Variants in GTSE1 observed in about 807,000 individuals in gnomAD.
GTSE1 encodes the protein G2 and S phase-expressed protein 1.
A neutral mutation model predicts 60.5 loss-of-function variants in GTSE1; 52 were observed. That is an observed-to-expected ratio of 0.86 (90% confidence interval 0.69 to 1.08). The LOEUF is 1.08. GTSE1 is among the 50% of genes least tolerant of loss of function. The pLI is 0.00. For missense variants in GTSE1, 937 were observed against 961.8 expected (o/e 0.97, Z 0.34); for synonymous variants, 368 against 386.5 (o/e 0.95, Z 0.56).
chr22:46,308,548 G>C lies in GTSE1; in HGVS notation c.367G>C (p.Ala123Pro). 6.2e-7 allele frequency: 1 copy of C among 1,614,052 alleles called. No homozygotes were observed. Among genetic ancestry groups the C allele is most frequent in the East Asian group, 2.2e-5 (1 of 44,896 alleles). The change falls in exon 4 of 12, where the codon GCT becomes CCT. Residue 123 changes from alanine to proline, a missense_variant. Coordinates refer to ENST00000454366, the MANE Select transcript of GTSE1 (RefSeq NM_016426.7). Reference protein sequence around the residue: ...ESSSRNQAAQAAKPEDPRSQG... With the variant: ...ESSSRNQAAQPAKPEDPRSQG... The stretch of plus-strand genomic sequence containing the variant: ...CAGCAGCCGGAACCAGGCAGCCCAA[G>C]CTGCCAAGCCTGAAGACCCTCGGAG...
At chr22:46,327,343 T>C (rs1369123960) in intron 9 of GTSE1, 3 of 152,204 alleles carry the variant, frequency 2.0e-5, no homozygotes, top group African/African-American at 7.2e-5. Flanking sequence ...ACCTCAGTCG[T>C]GTATAACCTT....
At chr22:46,326,047 C>T (rs1215924357) in intron 8 of GTSE1, among the ~76,000 whole-genome samples, 2 of 152,278 alleles carry the variant, frequency 1.3e-5, no homozygotes, top group Non-Finnish European at 2.9e-5. Flanking sequence ...CAGGCTGCGG[C>T]TCTGACTTCC....
At position 46,316,985 on chromosome 22, in the gene GTSE1, G is replaced by A. The variant is rs543077405; in HGVS notation, c.1432+573G>A. Among the ~76,000 whole-genome samples the A allele has an allele frequency of 1.4e-5, 2 of 147,834 alleles. No individual in the cohort carries two copies. Among genetic ancestry groups the A allele is most frequent in the South Asian group, 2.1e-4 (1 of 4,696 alleles). The stretch of plus-strand genomic sequence containing the variant: ...TTTTTTGTTTTTTGTTTTTTGAGAC[G>A]GAGTCTCGCTCTGTCACCCAGGGTG... On this transcript the variant is annotated intron_variant, in intron 7 of 11. Coordinates refer to ENST00000454366, the MANE Select transcript of GTSE1 (RefSeq NM_016426.7). The surrounding 1 kb of genome is among the most constrained non-coding windows in gnomAD (Gnocchi z 5.0).
intron 2 of GTSE1, 63 bp from the exon 3 acceptor site, chr22:46,308,087 C>T: frequency 9.6e-7 from 1 of 1,042,806 alleles, no homozygotes; most frequent in South Asian, 1.3e-5. Flanking sequence ...GCCATAGAGC[C>T]TGGTAATATT....
At chr22:46,305,243 A>G (rs974144259) in intron 2 of GTSE1, among the ~76,000 whole-genome samples, 7 of 152,190 alleles carry the variant, frequency 4.6e-5, no homozygotes, top group African/African-American at 1.7e-4. Context: ...CAGTTATTTT[A>G]TGATTATTGA....
At chr22:46,298,103 C>CAGT (rs1392805085) in intron 2 of GTSE1, among the ~76,000 whole-genome samples, 2 of 151,918 alleles carry the variant, frequency 1.3e-5, no homozygotes, top group Non-Finnish European at 2.9e-5. Context: ...ACTGGGATTA[C>CAGT]AGGCACCCGC....
chr22:46,329,418 C>A lies in GTSE1; in HGVS notation c.1987C>A (p.Pro663Thr). 6.2e-7 allele frequency: 1 copy of A among 1,614,202 alleles called. No individual in the cohort carries two copies. Among genetic ancestry groups the A allele is most frequent in the South Asian group, 1.1e-5 (1 of 91,086 alleles). Residue 663 changes from proline to threonine, a missense_variant, in exon 11 of 12, where the codon CCC becomes ACC. Coordinates refer to ENST00000454366, the MANE Select transcript of GTSE1 (RefSeq NM_016426.7). The surrounding 1 kb of genome is among the most constrained non-coding windows in gnomAD (Gnocchi z 6.4). Reference sequence around the variant, plus strand: ...GGTCACTCCAGATGCTGCAAGCCAGCCCCTCATTGACCTTCCTCTCATCGA... The same window carrying A: ...GGTCACTCCAGATGCTGCAAGCCAGACCCTCATTGACCTTCCTCTCATCGA... Reference protein sequence around the residue: ...LAVTPDAASQPLIDLPLIDFC... With the variant: ...LAVTPDAASQTLIDLPLIDFC...
chr22:46,322,027 T>A (rs1162072862), intron 7 of GTSE1, among the ~76,000 whole-genome samples: 6 of 129,162 alleles, frequency 4.6e-5, no homozygotes, highest in African/African-American at 1.9e-4. Flanking sequence ...TAAGCCGAGA[T>A]CATGCCACTG....
chr22:46,323,374 G>A (rs918537255), intron 8 of GTSE1, 112 bp downstream of exon 8: 12 of 828,528 alleles, frequency 1.4e-5, no homozygotes, highest in South Asian at 4.1e-5. Flanking sequence ...TGGCTTCCAC[G>A]CCAGTCTCTT....
At chr22:46,299,041 C>T (rs374002389) in intron 2 of GTSE1, among the ~76,000 whole-genome samples, 2 of 152,372 alleles carry the variant, frequency 1.3e-5, no homozygotes, top group African/African-American at 2.4e-5. Flanking sequence ...AAGCTGCTTT[C>T]ATCAGTCGTT....
In GTSE1 at chr22:46,304,966, G is replaced by A. The variant is rs1308100135; in HGVS notation, c.80-3184G>A. On this transcript the variant is annotated intron_variant, in intron 2 of 11. Coordinates refer to ENST00000454366, the MANE Select transcript of GTSE1 (RefSeq NM_016426.7). This position sits in a 1 kb window ranked among gnomAD's most constrained non-coding sequence, Gnocchi z 4.4. The stretch of plus-strand genomic sequence containing the variant: ...TGTACTCCAGCCTGGGTGACAGAGC[G>A]AGACCCTGTCTCAAAAAAAGAAAAA... Among the ~76,000 whole-genome samples, 2 of 152,202 alleles carry A rather than the reference G, an allele frequency of 1.3e-5. No homozygotes were observed. The highest frequency in any genetic ancestry group is 2.9e-5 in the Non-Finnish European group (2 of 68,032).
At position 46,322,796 on chromosome 22, in the gene GTSE1, C is replaced by A. The variant is rs560695171; in HGVS notation, c.1433-394C>A. On this transcript the variant is annotated intron_variant, in intron 7 of 11. Transcript: ENST00000454366. ...TGTTGCGCGTGCCTGGGAAGCTAAA[C>A]CCCTGCGGTGTTGTTCCTGTGGGCA... Among the ~76,000 whole-genome samples the A allele has an allele frequency of 1.4e-4, 21 of 152,340 alleles. No individual in the cohort carries two copies. The South Asian group carries it at 3.9e-3, about 29-fold the overall frequency.
In GTSE1 at chr22:46,317,037, C is replaced by T. The variant is rs1482920297; in HGVS notation, c.1432+625C>T. 6.6e-6 allele frequency among the ~76,000 whole-genome samples: 1 copy of T among 152,162 alleles called. No homozygotes were observed. Among genetic ancestry groups the T allele is most frequent in the East Asian group, 1.9e-4 (1 of 5,200 alleles). ...AATGCAGTGGCGCGATCTCAGCGCA[C>T]TGTAACCTCCACCTACCGAGTTCAA... On this transcript the variant is annotated intron_variant, in intron 7 of 11. Coordinates refer to ENST00000454366, the MANE Select transcript of GTSE1 (RefSeq NM_016426.7). This position sits in a 1 kb window ranked among gnomAD's most constrained non-coding sequence, Gnocchi z 5.6.
rs2077870257 is a variant in GTSE1, at chr22:46,330,494, AAAAG to A, written c.*368_*371del. On this transcript the variant is annotated 3_prime_UTR_variant, in exon 12 of 12. Coordinates refer to ENST00000454366, the MANE Select transcript of GTSE1 (RefSeq NM_016426.7). The surrounding 1 kb of genome is among the most constrained non-coding windows in gnomAD (Gnocchi z 6.0). ...TGAGAACCTGTCTTGGAAAAAAAAA[AAAAG>A]AAACATGTTTTAGTAGAAGTTTTAT... 1 of 176,552 alleles carries A rather than the reference AAAAG, an allele frequency of 5.7e-6. No individual in the cohort carries two copies. The highest frequency in any genetic ancestry group is 6.1e-5 in the Admixed American group (1 of 16,404). The allele number at this position is 176,552 out of a possible 1,614,324, so 10.9% of individuals were successfully genotyped here.
In GTSE1 at chr22:46,313,183, A is replaced by G. The variant is rs1434298982; in HGVS notation, c.928-707A>G. ...ACCCTGTCTAAAAAAAAAAAAAAAAAAAAGGAAAAGAAAGAAAATTGCGGT... is the reference window on the plus strand; with the variant it reads ...ACCCTGTCTAAAAAAAAAAAAAAAAGAAAGGAAAAGAAAGAAAATTGCGGT... On this transcript the variant is annotated intron_variant, in intron 5 of 11. Transcript: ENST00000454366. This position sits in a 1 kb window ranked among gnomAD's most constrained non-coding sequence, Gnocchi z 4.4. Among the ~76,000 whole-genome samples, 1 of 151,812 alleles carries G rather than the reference A, an allele frequency of 6.6e-6. No individual in the cohort carries two copies. The highest frequency in any genetic ancestry group is 1.5e-5 in the Non-Finnish European group (1 of 67,926).
In GTSE1 at chr22:46,305,610, A is replaced by G. The variant is rs187856416; in HGVS notation, c.80-2540A>G. Among the ~76,000 whole-genome samples, 122 of 151,140 alleles carry G rather than the reference A, an allele frequency of 8.1e-4. 1 individual carries two copies. Among genetic ancestry groups the G allele is most frequent in the Middle Eastern group, 6.9e-3 (2 of 288 alleles). ...AGTGACAGAGTGAGACTCCATCTCA[A>G]AAAAATAAAAAGAATATACCAAGTG... On this transcript the variant is annotated intron_variant, in intron 2 of 11. Coordinates refer to ENST00000454366, the MANE Select transcript of GTSE1 (RefSeq NM_016426.7).
chr22:46,308,725 C>G lies in GTSE1; in HGVS notation c.544C>G (p.Arg182Gly), dbSNP rs199691143. ...GCTGGGGCCCCCTGTGGGTGAGCCTCGGCTCTTGGCCTCCTCCCCGGCCCT... is the reference window on the plus strand; with the variant it reads ...GCTGGGGCCCCCTGTGGGTGAGCCTGGGCTCTTGGCCTCCTCCCCGGCCCT... ...PLLGPPVGEPRLLASSPALPS... is the reference protein window; with the variant it reads ...PLLGPPVGEPGLLASSPALPS... Residue 182 changes from arginine (R) to glycine (G), a missense_variant, in exon 4 of 12, where the codon CGG becomes GGG. Physicochemically the swap from Arg to Gly is moderately radical, Grantham distance 125. Coordinates refer to ENST00000454366, the MANE Select transcript of GTSE1 (RefSeq NM_016426.7). The G allele has an allele frequency of 3.7e-6, 6 of 1,613,562 alleles. No individual in the cohort carries two copies. The South Asian group carries it at 4.4e-5, about 12-fold the overall frequency.
chr22:46,323,958 C>T (rs560490849), intron 8 of GTSE1, among the ~76,000 whole-genome samples: 2 of 152,290 alleles, frequency 1.3e-5, no homozygotes, highest in African/African-American at 2.4e-5. Context: ...TCCCAAAGTG[C>T]TGGGATTATA....
At position 46,312,148 on chromosome 22, in the gene GTSE1, A is replaced by C; in HGVS notation, c.770A>C (p.Lys257Thr). Reference protein sequence around the residue: ...SIPGAAEKPKKEIPASPSRTK... With the variant: ...SIPGAAEKPKTEIPASPSRTK... ...TCAAATTAAAATTTTCAGCCCAAGA[A>C]AGAGATTCCAGCTAGTCCTTCCAGG... Residue 257 changes from lysine to threonine, a missense_variant, in exon 5 of 12, where the codon AAA (lysine) becomes ACA (threonine). Lys to Thr is a moderately conservative substitution (Grantham distance 78). Transcript: ENST00000454366. 1 of 1,612,110 alleles carries C rather than the reference A, an allele frequency of 6.2e-7. No homozygotes were observed. Among genetic ancestry groups the C allele is most frequent in the South Asian group, 1.1e-5 (1 of 90,914 alleles).
Sources: gnomAD v4.1 joint callset for allele counts (sites outside exome capture counted in the v4.1 genomes callset) on GRCh38, gnomAD v4.1.1 for gene constraint, Gnocchi (gnomAD v3.1) non-coding constraint, MANE v1.5 for transcripts, NCBI Gene and HGNC (gene_info 2026-07-23, HGNC 2026-07-21) for gene names.